Variants in PRRC2B observed in about 807,000 individuals in gnomAD.
PRRC2B encodes proline rich coiled-coil 2B, also known as protein PRRC2B.
Under a neutral mutation model 242.3 loss-of-function variants are expected in PRRC2B, and 68 were observed. The observed-to-expected ratio is 0.28, with a 90% CI of 0.23 to 0.34. PRRC2B has a LOEUF of 0.34. Among genes scored for constraint, PRRC2B ranks in the 10% least tolerant of loss-of-function variants. The pLI, the probability that PRRC2B is intolerant of heterozygous loss-of-function variation, is 1.00. For synonymous variants in PRRC2B, 1,228 were observed against 1,173.6 expected (o/e 1.05, Z -0.95); for missense variants, 2,835 against 2,954.8 (o/e 0.96, Z 0.94).
intron 1 of PRRC2B, among the ~76,000 whole-genome samples, chr9:131,389,002 G>T (rs540213288): frequency 4.1e-5 from 6 of 146,336 alleles, no homozygotes; most frequent in African/African-American, 1.5e-4. Flanking sequence ...CGCCACTCCT[G>T]GCAAATTTTT....
rs1438438835 is a variant in PRRC2B, at chr9:131,427,090, T to A, written c.-51-3004T>A. Among the ~76,000 whole-genome samples the A allele has an allele frequency of 2.0e-5, 3 of 152,346 alleles. No individual in the cohort carries two copies. The East Asian group carries it at 5.8e-4, about 29-fold the overall frequency. On this transcript the variant is annotated intron_variant, in intron 1 of 31. Transcript: ENST00000683519. ...ACGTAGGACCGCTTATCCCTCGGCA[T>A]CCATCTTCCTGCGTTCTTCATGAGC...
chr9:131,446,383 C>T lies in PRRC2B; in HGVS notation c.614-18C>T, dbSNP rs373786036. On this transcript the variant is annotated intron_variant, in intron 6 of 31. Coordinates refer to ENST00000683519, the MANE Select transcript of PRRC2B (RefSeq NM_013318.4). This position sits in a 1 kb window ranked among gnomAD's most constrained non-coding sequence, Gnocchi z 4.1. ...CCCTCCTCTTCCCTCTCCCCTTTTG[C>T]CCCCTTTCAATTTCCAGATGTGACA... 8.7e-6 allele frequency: 14 copies of T among 1,612,742 alleles called. No individual in the cohort carries two copies. The African/African-American group carries it at 1.9e-4, about 22-fold the overall frequency.
intron 1 of PRRC2B, among the ~76,000 whole-genome samples, chr9:131,424,516 GTC>G (rs1174384806): frequency 1.3e-5 from 2 of 151,954 alleles, no homozygotes; most frequent in East Asian, 1.9e-4. Context: ...GTGAAACCCT[GTC>G]TCTACTAAAA....
chr9:131,471,325 T>C (rs1943540465), intron 14 of PRRC2B, among the ~76,000 whole-genome samples: 1 of 152,228 alleles, frequency 6.6e-6, no homozygotes, highest in South Asian at 2.1e-4. Flanking sequence ...CTAGTGCCTT[T>C]TTAAAATCAG....
At chr9:131,448,662 C>A (rs1238510192) in intron 9 of PRRC2B, among the ~76,000 whole-genome samples, 2 of 151,030 alleles carry the variant, frequency 1.3e-5, no homozygotes, top group Non-Finnish European at 2.9e-5. Context: ...TCAAACTCTT[C>A]CTCCTTCCTC....
At position 131,486,024 on chromosome 9, in the gene PRRC2B, G is replaced by A. The variant is rs1048154222; in HGVS notation, c.5759-61G>A. 9 of 1,129,906 alleles carry A rather than the reference G, an allele frequency of 8.0e-6. No homozygotes were observed. The African/African-American group carries it at 1.4e-4, about 17-fold the overall frequency. The allele number at this position is 1,129,906 out of a possible 1,614,324, so 70.0% of individuals were successfully genotyped here. On this transcript the variant is annotated intron_variant, in intron 25 of 31. Transcript: ENST00000683519. Reference sequence around the variant, plus strand: ...AGACCTGTAGACTGTTTCCCTCAGGGACATTGAGAAGTAGTGAGGCTTGAT... The same window carrying A: ...AGACCTGTAGACTGTTTCCCTCAGGAACATTGAGAAGTAGTGAGGCTTGAT...
chr9:131,471,083 C>G (rs1943533128), intron 14 of PRRC2B, 100 bp downstream of exon 14: 1 of 837,940 alleles, frequency 1.2e-6, no homozygotes, highest in Non-Finnish European at 1.8e-6. Flanking sequence ...GGATTTTGGT[C>G]TGGCTCTTTG....
At chr9:131,431,201 G>C (rs1431194192) in intron 2 of PRRC2B, among the ~76,000 whole-genome samples, 2 of 151,930 alleles carry the variant, frequency 1.3e-5, no homozygotes, top group Non-Finnish European at 2.9e-5. Context: ...TGTGATCTTG[G>C]CTCACTGTAA....
At chr9:131,444,488 G>A (rs1838721752) in intron 6 of PRRC2B, among the ~76,000 whole-genome samples, 160 bp downstream of exon 6, 1 of 152,186 alleles carries the variant, frequency 6.6e-6, no homozygotes. Flanking sequence ...CATTGGACTT[G>A]CTGCCTAGGC....
intron 12 of PRRC2B, among the ~76,000 whole-genome samples, chr9:131,465,623 A>G (rs188831244): frequency 6.6e-6 from 1 of 152,256 alleles, no homozygotes; most frequent in African/African-American, 2.4e-5. Flanking sequence ...CGTGTGCTCT[A>G]GGACTTTAAT....
chr9:131,491,057 G>A (rs1944179641), intron 28 of PRRC2B: 1 of 240,898 alleles, frequency 4.2e-6, no homozygotes, highest in Non-Finnish European at 8.1e-6. Context: ...CACCTTGTAT[G>A]CTTTCAGTAA....
chr9:131,387,740 T>G (rs1459647230), intron 1 of PRRC2B, among the ~76,000 whole-genome samples: 2 of 149,936 alleles, frequency 1.3e-5, no homozygotes, highest in Non-Finnish European at 3.0e-5. Context: ...GTGTGAAACC[T>G]GCCCAGCACT....
rs1478929660 is a variant in PRRC2B at position 131,464,706 on chromosome 9, T to G, written c.1405-57T>G. On this transcript the variant is annotated intron_variant, in intron 11 of 31. Coordinates refer to ENST00000683519, the MANE Select transcript of PRRC2B (RefSeq NM_013318.4). ...AGAACTGATCCCAAAGTGGGAGTGG[T>G]TCCTGTATCCCGGGTCCCGGACCCA... 2.1e-6 allele frequency: 3 copies of G among 1,458,862 alleles called. No homozygotes were observed. The African/African-American group carries it at 4.3e-5, about 21-fold the overall frequency. The allele number at this position is 1,458,862 out of a possible 1,614,324, so 90.4% of individuals were successfully genotyped here.
chr9:131,458,370 T>C (rs1564290098), intron 10 of PRRC2B, among the ~76,000 whole-genome samples: 1 of 152,070 alleles, frequency 6.6e-6, no homozygotes, highest in Non-Finnish European at 1.5e-5. Flanking sequence ...AAATCAAGAG[T>C]GTCCAATCTT....
Position 131,430,054 on chromosome 9 carries a change from CTCTCTCTTTTTTTTTTTTTCT to C in PRRC2B, c.-51-34_-51-14del. The C allele has an allele frequency of 5.7e-6, 3 of 524,736 alleles. No individual in the cohort carries two copies. Among genetic ancestry groups the C allele is most frequent in the Non-Finnish European group, 1.0e-5 (3 of 300,554 alleles). The allele number at this position is 524,736 out of a possible 1,614,324, so 32.5% of individuals were successfully genotyped here. A position where few individuals can be genotyped will look rare whatever the true frequency, so the allele number is the denominator to read the frequency against. On this transcript the variant is annotated intron_variant, in intron 1 of 31. Transcript: ENST00000683519. ...TGTAGTGACACTCTTTTTTTTTTTT[CTCTCTCTTTTTTTTTTTTTCT>C]TCTCTATTTCAAAGGCAGATCGGGA...
intron 19 of PRRC2B, among the ~76,000 whole-genome samples, chr9:131,479,730 C>G (rs2131456867): frequency 6.6e-6 from 1 of 152,248 alleles, no homozygotes. Context: ...CTCCCACTAA[C>G]TTATGGAAGA....
chr9:131,397,085 T>G (rs183657690), intron 1 of PRRC2B, among the ~76,000 whole-genome samples: 1 of 152,342 alleles, frequency 6.6e-6, no homozygotes, highest in Non-Finnish European at 1.5e-5. Flanking sequence ...TCCTTTGATT[T>G]TTCCTCGCTT....
rs915481720 is a variant in PRRC2B at position 131,494,757 on chromosome 9, G to T, written c.6555+271G>T. ...GGAGGTGGTGCTGGAAGGTGGACCA[G>T]CCCTGGCAGGTCGGGGCTGAGGCGC... On this transcript the variant is annotated intron_variant, in intron 31 of 31. Transcript: ENST00000683519. This position sits in a 1 kb window ranked among gnomAD's most constrained non-coding sequence, Gnocchi z 4.3. 4.6e-5 allele frequency among the ~76,000 whole-genome samples: 7 copies of T among 152,208 alleles called. No individual in the cohort carries two copies. The highest frequency in any genetic ancestry group is 8.8e-5 in the Non-Finnish European group (6 of 68,028).
At chr9:131,406,884 GTTTC>G (rs1837377891) in intron 1 of PRRC2B, among the ~76,000 whole-genome samples, 2 of 152,200 alleles carry the variant, frequency 1.3e-5, no homozygotes, top group East Asian at 3.8e-4. Flanking sequence ...CTTCCCTGCT[GTTTC>G]TTTATAATAT....
Sources: allele counts gnomAD v4.1 joint callset (sites outside exome capture counted in the v4.1 genomes callset), GRCh38; gene constraint gnomAD v4.1.1; non-coding constraint Gnocchi (gnomAD v3.1); transcripts MANE v1.5; gene names NCBI Gene and HGNC (gene_info 2026-07-23, HGNC 2026-07-21).